ERCC6L2: variants seen among roughly 807,000 people sequenced by gnomAD.
ERCC6L2 encodes the protein ERCC excision repair 6 like 2, also known as DNA excision repair protein ERCC-6-like 2.
In ERCC6L2, 77 loss-of-function variants were observed where a neutral mutation model predicts 132.0. The observed-to-expected ratio is 0.58, with a 90% CI of 0.49 to 0.71. The LOEUF (loss-of-function observed/expected upper bound fraction) is 0.71. Among genes scored for constraint, ERCC6L2 ranks in the 30% least tolerant of loss-of-function variants. ERCC6L2 has a pLI of 0.00. For missense variants in ERCC6L2, 1,542 were observed against 1,837.6 expected (o/e 0.84, Z 2.94); for synonymous variants, 583 against 632.4 (o/e 0.92, Z 1.17).
Position 95,922,369 on chromosome 9 carries a change from T to C in ERCC6L2, c.1364T>C (p.Val455Ala), listed in dbSNP as rs1184282249. Residue 455 changes from valine (V) to alanine (A), a missense_variant, in exon 8 of 19, where the codon GTA (valine) becomes GCA (alanine). Transcript: ENST00000653738. ...YLSYLTVLQKVANHVALLQAA... is the reference protein window; with the variant it reads ...YLSYLTVLQKAANHVALLQAA... ...AGTTACCTTACAGTCCTTCAGAAGG[T>C]AGCTAACCATGTCGCGCTACTGCAA... The C allele has an allele frequency of 6.2e-7, 1 of 1,613,524 alleles. No individual in the cohort carries two copies. Among genetic ancestry groups the C allele is most frequent in the African/African-American group, 1.3e-5 (1 of 74,930 alleles).
At chr9:96,036,306 G>A (rs551788286) in intron 19 of ERCC6L2, among the ~76,000 whole-genome samples, 1 of 152,056 alleles carries the variant, frequency 6.6e-6, no homozygotes, top group East Asian at 1.9e-4. Flanking sequence ...TTGTCCCTTT[G>A]TGTCTGGCCT....
rs1834155452 is a variant in ERCC6L2 at position 96,015,030 on chromosome 9, T to TG, written c.*1827_*1828insG. On this transcript the variant is annotated 3_prime_UTR_variant, in exon 19 of 19. Transcript: ENST00000653738. ...TATATGTACAGTTTTTTTTTTTTTTTTTTTTTTTTTGAGATTGAGTCTCAC... is the reference window on the plus strand; with the variant it reads ...TATATGTACAGTTTTTTTTTTTTTTTGTTTTTTTTTTGAGATTGAGTCTCAC... Among the ~76,000 whole-genome samples the TG allele has an allele frequency of 7.5e-6, 1 of 133,624 alleles. No individual in the cohort carries two copies. Among genetic ancestry groups the TG allele is most frequent in the African/African-American group, 2.9e-5 (1 of 34,578 alleles). 87.7% of individuals were successfully genotyped at this position (133,624 alleles called of 152,430 possible).
Position 96,017,903 on chromosome 9 carries a change from ATT to A in ERCC6L2, c.*4701_*4702del, listed in dbSNP as rs1834215133. ...AAAATATTACACACACAGGAATATT[ATT>A]CAGCCTTGAAAGGAAATTCGGACAC... On this transcript the variant is annotated 3_prime_UTR_variant, in exon 19 of 19. Coordinates refer to ENST00000653738, the MANE Select transcript of ERCC6L2 (RefSeq NM_020207.7). 6.6e-6 allele frequency among the ~76,000 whole-genome samples: 1 copy of A among 152,256 alleles called. No individual in the cohort carries two copies. The highest frequency in any genetic ancestry group is 1.5e-5 in the Non-Finnish European group (1 of 68,040).
chr9:95,875,723 G>A lies in ERCC6L2; in HGVS notation c.-316G>A, dbSNP rs1293225242. The A allele has an allele frequency of 2.4e-6, 1 of 425,394 alleles. No individual in the cohort carries two copies. The highest frequency in any genetic ancestry group is 4.3e-6 in the Non-Finnish European group (1 of 234,620). 26.4% of individuals were successfully genotyped at this position (425,394 alleles called of 1,614,324 possible). ...AGGAAGATTTGGGGGTCGCCTTGCCGGCCTCCTGTCCTCCTCCGGCGGCGG... is the reference window on the plus strand; with the variant it reads ...AGGAAGATTTGGGGGTCGCCTTGCCAGCCTCCTGTCCTCCTCCGGCGGCGG... On this transcript the variant is annotated 5_prime_UTR_variant, in exon 1 of 19. Coordinates refer to ENST00000653738, the MANE Select transcript of ERCC6L2 (RefSeq NM_020207.7).
intron 12 of ERCC6L2, among the ~76,000 whole-genome samples, chr9:95,947,574 A>G (rs894188704): frequency 2.0e-5 from 3 of 152,212 alleles, no homozygotes; most frequent in Non-Finnish European, 4.4e-5. Context: ...CAGACTTTCA[A>G]TGAGAACAAA....
At chr9:95,896,408 ATTTTTTTTTTTTGATT>A (rs67131985) in intron 2 of ERCC6L2, among the ~76,000 whole-genome samples, 5 of 136,504 alleles carry the variant, frequency 3.7e-5, no homozygotes, top group Middle Eastern at 3.8e-3. Flanking sequence ...TTGTTTTTTG[ATTTTTTTTTTTTGATT>A]TTTTTTTTTT....
At chr9:95,876,210 T>G (rs948064977) in intron 1 of ERCC6L2, 126 bp downstream of exon 1, 1 of 829,452 alleles carries the variant, frequency 1.2e-6, no homozygotes, top group South Asian at 1.8e-5. Context: ...AGCTGCAGAT[T>G]GTGAACCCCT....
chr9:95,975,395 C>T (rs1832622810), intron 16 of ERCC6L2, among the ~76,000 whole-genome samples: 1 of 151,524 alleles, frequency 6.6e-6, no homozygotes, highest in Admixed American at 6.6e-5. Flanking sequence ...AAATACTTGG[C>T]TCACATTGTC....
chr9:96,002,351 G>A (rs1034011042), intron 17 of ERCC6L2, among the ~76,000 whole-genome samples: 2 of 151,858 alleles, frequency 1.3e-5, no homozygotes, highest in African/African-American at 2.4e-5. Context: ...TTTTCTCTGC[G>A]TGTTGAAGAT....
intron 17 of ERCC6L2, among the ~76,000 whole-genome samples, chr9:96,003,374 G>A (rs1199209865): frequency 6.6e-6 from 1 of 152,140 alleles, no homozygotes; most frequent in Non-Finnish European, 1.5e-5. Flanking sequence ...TTAATTTTCA[G>A]CTTAGAGTTC....
At chr9:95,907,836 C>CACACACACACACAA (rs1587882815) in intron 4 of ERCC6L2, among the ~76,000 whole-genome samples, 2 of 81,130 alleles carry the variant, frequency 2.5e-5, no homozygotes, top group African/African-American at 3.8e-5. Flanking sequence ...TACACACACA[C>CACACACACACACAA]ACACACACAC....
At chr9:96,007,951 T>G (rs1833913444) in intron 18 of ERCC6L2, among the ~76,000 whole-genome samples, 1 of 152,082 alleles carries the variant, frequency 6.6e-6, no homozygotes, top group African/African-American at 2.4e-5. Context: ...AGGGAAGAGC[T>G]GGCCCCGCAG....
intron 11 of ERCC6L2, among the ~76,000 whole-genome samples, chr9:95,937,478 AT>A (rs1044825912): frequency 6.6e-6 from 1 of 151,528 alleles, no homozygotes; most frequent in Middle Eastern, 3.2e-3. Context: ...TGGAGGGGTT[AT>A]TTTTTTTCCC....
At chr9:95,899,588 C>CTT (rs1828650562) in intron 3 of ERCC6L2, among the ~76,000 whole-genome samples, 3 of 126,028 alleles carry the variant, frequency 2.4e-5, no homozygotes, top group African/African-American at 1.1e-4. Context: ...CTTTTTTTCT[C>CTT]TTTATATATA....
At chr9:95,949,270 G>A (rs1023584737) in intron 12 of ERCC6L2, among the ~76,000 whole-genome samples, 2 of 152,018 alleles carry the variant, frequency 1.3e-5, no homozygotes, top group Non-Finnish European at 2.9e-5. Flanking sequence ...CAGAAGAAAG[G>A]GAAAAGGACA....
intron 11 of ERCC6L2, among the ~76,000 whole-genome samples, chr9:95,930,710 A>G (rs759085009): frequency 1.3e-5 from 2 of 151,976 alleles, no homozygotes; most frequent in Non-Finnish European, 2.9e-5. Context: ...TTTCTCTTAG[A>G]TCTTTTTCCT....
intron 19 of ERCC6L2, among the ~76,000 whole-genome samples, chr9:96,034,278 G>A (rs1316977357): frequency 6.6e-6 from 1 of 152,214 alleles, no homozygotes; most frequent in Non-Finnish European, 1.5e-5. Context: ...AAGGACACCT[G>A]TATTGCTCTG....
chr9:95,983,996 A>G (rs1015626770), intron 17 of ERCC6L2, among the ~76,000 whole-genome samples: 2 of 152,016 alleles, frequency 1.3e-5, no homozygotes, highest in Non-Finnish European at 2.9e-5. Context: ...TAATTTTTCA[A>G]GATAACTTGT....
At chr9:95,941,909 A>G (rs1277343555) in intron 12 of ERCC6L2, among the ~76,000 whole-genome samples, 1 of 152,196 alleles carries the variant, frequency 6.6e-6, no homozygotes, top group Non-Finnish European at 1.5e-5. Context: ...AAATACTACA[A>G]TCCAAAGTCT....
Sources: allele counts gnomAD v4.1 joint callset (sites outside exome capture counted in the v4.1 genomes callset), GRCh38; gene constraint gnomAD v4.1.1; transcripts MANE v1.5; gene names NCBI Gene and HGNC (gene_info 2026-07-23, HGNC 2026-07-21).